SIL1: variants seen among roughly 807,000 people sequenced by gnomAD.
SIL1 encodes SIL1 nucleotide exchange factor.
Under a neutral mutation model 49.1 loss-of-function variants are expected in SIL1, and 40 were observed. That is an observed-to-expected ratio of 0.81 (90% CI 0.63 to 1.06). SIL1 has a LOEUF of 1.06. SIL1 is among the 50% of genes least tolerant of loss of function. SIL1 has a pLI of 0.00. For missense variants in SIL1, 500 were observed against 572.6 expected (o/e 0.87, Z 1.29); for synonymous variants, 253 against 250.8 (o/e 1.01, Z -0.08).
At chr5:139,194,836 C>G (rs189598950) in intron 1 of SIL1, among the ~76,000 whole-genome samples, 1 of 152,148 alleles carries the variant, frequency 6.6e-6, no homozygotes, top group African/African-American at 2.4e-5. Context: ...TGAAGAAAGA[C>G]AGGGGGAGGC....
At chr5:138,954,790 C>A (rs10044672) in intron 7 of SIL1, among the ~76,000 whole-genome samples, 2 of 152,108 alleles carry the variant, frequency 1.3e-5, no homozygotes, top group Admixed American at 1.3e-4. Context: ...CCAGGGCCTG[C>A]AGGACCCTTG....
At chr5:139,096,269 G>A (rs958575315) in intron 3 of SIL1, among the ~76,000 whole-genome samples, 2 of 152,110 alleles carry the variant, frequency 1.3e-5, no homozygotes, top group Non-Finnish European at 2.9e-5. Context: ...GGGAATCACC[G>A]ATCCCGGCAG....
At chr5:139,034,322 TTA>T (rs1189169998) in intron 5 of SIL1, 1 of 152,072 alleles carries the variant, frequency 6.6e-6, no homozygotes, top group East Asian at 1.9e-4. Context: ...TATTATACAT[TTA>T]TGTTTTAAGG....
At chr5:139,085,472 T>C (rs2151773014) in intron 3 of SIL1, among the ~76,000 whole-genome samples, 1 of 152,136 alleles carries the variant, frequency 6.6e-6, no homozygotes, top group Non-Finnish European at 1.5e-5. Flanking sequence ...TTGGGAAAAC[T>C]AGGTAGGGAG....
At chr5:139,094,541 G>A (rs1425062733) in intron 3 of SIL1, among the ~76,000 whole-genome samples, 4 of 152,190 alleles carry the variant, frequency 2.6e-5, no homozygotes, top group Admixed American at 1.3e-4. Context: ...TTTTTGAAAG[G>A]GTAGACAGAG....
At chr5:139,186,428 G>C (rs1752078789) in intron 1 of SIL1, among the ~76,000 whole-genome samples, 1 of 152,062 alleles carries the variant, frequency 6.6e-6, no homozygotes, top group Non-Finnish European at 1.5e-5. Flanking sequence ...CTACCTAAAG[G>C]ATACAGATGG....
At chr5:139,056,601 G>C (rs1472390666) in intron 3 of SIL1, among the ~76,000 whole-genome samples, 1 of 146,206 alleles carries the variant, frequency 6.8e-6, no homozygotes, top group East Asian at 2.0e-4. Context: ...GAGGTGGGGG[G>C]GTCAGCCCCC....
At chr5:139,030,038 G>A (rs1768752864) in intron 5 of SIL1, among the ~76,000 whole-genome samples, 1 of 151,644 alleles carries the variant, frequency 6.6e-6, no homozygotes. Context: ...TCTTTCTAAC[G>A]AGATTAGGTT....
At chr5:139,030,660 G>A (rs1412481117) in intron 5 of SIL1, among the ~76,000 whole-genome samples, 1 of 150,946 alleles carries the variant, frequency 6.6e-6, no homozygotes, top group Non-Finnish European at 1.5e-5. Flanking sequence ...CTTTTTTTTG[G>A]GGGGTAGAAA....
intron 1 of SIL1, among the ~76,000 whole-genome samples, chr5:139,179,714 G>A (rs773116655): frequency 6.6e-6 from 1 of 152,164 alleles, no homozygotes; most frequent in Non-Finnish European, 1.5e-5. Flanking sequence ...GGTAGCTGAT[G>A]CTCAGCGAGG....
At chr5:138,958,845 CT>C (rs2150383235) in intron 7 of SIL1, among the ~76,000 whole-genome samples, 1 of 151,990 alleles carries the variant, frequency 6.6e-6, no homozygotes, top group South Asian at 2.1e-4. Flanking sequence ...CTTTATTTTT[CT>C]TGTTTCTATC....
chr5:139,195,957 G>A (rs1752262966), intron 1 of SIL1, among the ~76,000 whole-genome samples: 1 of 152,190 alleles, frequency 6.6e-6, no homozygotes, highest in South Asian at 2.1e-4. Flanking sequence ...GGCCAAGACA[G>A]AAGAATCGCT....
intron 3 of SIL1, among the ~76,000 whole-genome samples, chr5:139,120,538 G>T (rs1750604002): frequency 6.6e-6 from 1 of 152,156 alleles, no homozygotes. Flanking sequence ...GCTCATGAAA[G>T]GGTTAGAAAA....
At position 139,130,143 on chromosome 5, in the gene SIL1, G is replaced by C. The variant is rs72790928; in HGVS notation, c.-10-2290C>G. ...ATTAAAAATTTTTTAAATTAGCCAG[G>C]TGTGGTGGTGTGCACCTACAGTCCC... On this transcript the variant is annotated intron_variant, in intron 1 of 9. Coordinates refer to ENST00000394817, the MANE Select transcript of SIL1 (RefSeq NM_022464.5). Among the ~76,000 whole-genome samples the C allele has an allele frequency of 7.7e-4, 117 of 152,228 alleles. 1 individual carries two copies. In the South Asian group the frequency reaches 0.016, roughly 21 times the overall value.
chr5:139,021,115 C>A, intron 7 of SIL1, 56 bp downstream of exon 7: 1 of 1,613,124 alleles, frequency 6.2e-7, no homozygotes, highest in South Asian at 1.1e-5. Context: ...TACCCTTCTT[C>A]CAAGCAGATC....
intron 7 of SIL1, among the ~76,000 whole-genome samples, chr5:139,010,729 G>A (rs1046183169): frequency 4.0e-5 from 6 of 151,788 alleles, no homozygotes; most frequent in Non-Finnish European, 7.4e-5. Context: ...GCCGTGTGAT[G>A]TGTCAGTGTG....
At chr5:139,141,029 C>T (rs897083479) in intron 1 of SIL1, among the ~76,000 whole-genome samples, 1 of 152,106 alleles carries the variant, frequency 6.6e-6, no homozygotes, top group Non-Finnish European at 1.5e-5. Context: ...GACGTCCCCC[C>T]GCATTTTAGA....
intron 6 of SIL1, among the ~76,000 whole-genome samples, chr5:139,024,502 A>T (rs1768600715): frequency 6.6e-6 from 1 of 152,220 alleles, no homozygotes; most frequent in African/African-American, 2.4e-5. Flanking sequence ...GCAAAATCCT[A>T]AAGGAAGAAA....
intron 1 of SIL1, among the ~76,000 whole-genome samples, chr5:139,150,804 C>T (rs1434553986): frequency 6.6e-6 from 1 of 152,140 alleles, no homozygotes; most frequent in Non-Finnish European, 1.5e-5. Context: ...CCGGAAATGT[C>T]AACACTTTGG....
Sources: gnomAD v4.1 joint callset for allele counts (sites outside exome capture counted in the v4.1 genomes callset) on GRCh38, gnomAD v4.1.1 for gene constraint, MANE v1.5 for transcripts, NCBI Gene and HGNC (gene_info 2026-07-23, HGNC 2026-07-21) for gene names.